Variants in LRP12 observed in about 807,000 individuals in gnomAD.
The protein encoded by LRP12 is LDL receptor related protein 12.
A neutral mutation model predicts 66.0 loss-of-function variants in LRP12; 14 were observed. The observed-to-expected ratio is 0.21, with a 90% confidence interval of 0.14 to 0.33. The LOEUF (loss-of-function observed/expected upper bound fraction) is 0.33, where lower values mean the gene tolerates loss of function less well. Among genes scored for constraint, LRP12 ranks in the 10% least tolerant of loss-of-function variants. The pLI is 1.00. For missense variants in LRP12, 889 were observed against 1,053.4 expected, an observed-to-expected ratio of 0.84 and a Z score of 2.16; for synonymous variants, 357 against 359.1, an observed-to-expected ratio of 0.99 and a Z score of 0.07.
chr8:104,560,762 C>T (rs952000898), intron 1 of LRP12, among the ~76,000 whole-genome samples: 1 of 152,056 alleles, frequency 6.6e-6, no homozygotes, highest in African/African-American at 2.4e-5. Context: ...TCAGATTTTC[C>T]TGGTTGTCTC....
intron 4 of LRP12, 28 bp from the exon 5 acceptor site, chr8:104,498,104 G>C (rs202173287): frequency 2.0e-6 from 3 of 1,520,114 alleles, no homozygotes; most frequent in Middle Eastern, 1.8e-4. Context: ...GAAATAGATG[G>C]AAAGAGAAGG....
chr8:104,588,718 C>G, intron 1 of LRP12, 101 bp downstream of exon 1: 1 of 943,066 alleles, frequency 1.1e-6, no homozygotes, highest in Non-Finnish European at 1.6e-6. Flanking sequence ...TAGCCAGGGT[C>G]TCCGCGGGAG....
chr8:104,490,442 G>A lies in LRP12; in HGVS notation c.*231C>T, dbSNP rs1810599743. The A allele has an allele frequency of 4.3e-6, 2 of 459,816 alleles. No individual in the cohort carries two copies. Among genetic ancestry groups the A allele is most frequent in the Non-Finnish European group, 7.7e-6 (2 of 261,368 alleles). 28.5% of individuals were successfully genotyped at this position (459,816 alleles called of 1,614,324 possible). Reference sequence around the variant, plus strand: ...GAAAACAATCAGAAACAAATGAAAGGACATTATTGAACAATATGAATATGT... The same window carrying A: ...GAAAACAATCAGAAACAAATGAAAGAACATTATTGAACAATATGAATATGT... On this transcript the variant is annotated 3_prime_UTR_variant, in exon 7 of 7. Coordinates refer to ENST00000276654, the MANE Select transcript of LRP12 (RefSeq NM_013437.5).
chr8:104,586,020 CACT>C (rs1812325421), intron 1 of LRP12, among the ~76,000 whole-genome samples: 2 of 152,180 alleles, frequency 1.3e-5, no homozygotes, highest in African/African-American at 4.8e-5. Context: ...TGGTTGTCAC[CACT>C]GATATTTTTA....
chr8:104,548,161 T>C (rs1452896719), intron 1 of LRP12, among the ~76,000 whole-genome samples: 7 of 53,146 alleles, frequency 1.3e-4, no homozygotes, highest in Non-Finnish European at 2.0e-4. Context: ...TATTAATAAT[T>C]ATTATATATA....
chr8:104,491,952 T>C lies in LRP12; in HGVS notation c.1714-413A>G, dbSNP rs567103769. 3.3e-5 allele frequency among the ~76,000 whole-genome samples: 5 copies of C among 152,132 alleles called. No individual in the cohort carries two copies. In the East Asian group the frequency reaches 9.6e-4, roughly 29 times the overall value. On this transcript the variant is annotated intron_variant, in intron 6 of 6. Coordinates refer to ENST00000276654, the MANE Select transcript of LRP12 (RefSeq NM_013437.5). ...AATTGACGAAGTGACCAAAATGAGT[T>C]TGTGAAAACGAGGACTTTTATCTTT...
At chr8:104,548,177 A>ATATATAG (rs1421416998) in intron 1 of LRP12, among the ~76,000 whole-genome samples, 1 of 100,376 alleles carries the variant, frequency 1.0e-5, no homozygotes, top group Non-Finnish European at 1.7e-5. Context: ...ATATAATATA[A>ATATATAG]TATATAATAT....
In LRP12 at chr8:104,558,486, C is replaced by T. The variant is rs575018606; in HGVS notation, c.80-26523G>A. On this transcript the variant is annotated intron_variant, in intron 1 of 6. Coordinates refer to ENST00000276654, the MANE Select transcript of LRP12 (RefSeq NM_013437.5). ...TGGATCAAGGACTTAAATCTAAGAC[C>T]TGAAACCATAAAAATTCTAGAAGAT... Among the ~76,000 whole-genome samples the T allele has an allele frequency of 2.0e-5, 3 of 152,210 alleles. No individual in the cohort carries two copies. The East Asian group carries it at 5.8e-4, about 29-fold the overall frequency.
rs1359739832 is a variant in LRP12, at chr8:104,507,680, A to C, written c.272+1259T>G. 2.6e-5 allele frequency: 4 copies of C among 152,330 alleles called. No homozygotes were observed. The East Asian group carries it at 7.7e-4, about 29-fold the overall frequency. The allele number at this position is 152,330 out of a possible 1,614,324, so 9.4% of individuals were successfully genotyped here. ...AACACTGACCCTGTTACAGAAAGAT[A>C]ACCTTAATGGTGCATTCTACCACTC... On this transcript the variant is annotated intron_variant, in intron 3 of 6. Transcript: ENST00000276654.
chr8:104,542,342 T>C (rs1175513954), intron 1 of LRP12, among the ~76,000 whole-genome samples: 1 of 152,200 alleles, frequency 6.6e-6, no homozygotes, highest in African/African-American at 2.4e-5. Flanking sequence ...TTGGCTGGAT[T>C]GTCTTTCTGT....
intron 2 of LRP12, among the ~76,000 whole-genome samples, chr8:104,513,593 C>T (rs943111062): frequency 1.3e-5 from 2 of 152,154 alleles, no homozygotes; most frequent in African/African-American, 2.4e-5. Context: ...GACACTCATT[C>T]CCAAGGTACT....
rs1322769824 is a variant in LRP12 at position 104,497,250 on chromosome 8, GT to G, written c.1301del (p.Asn434ThrfsTer54). 1 of 1,614,068 alleles carries G rather than the reference GT, an allele frequency of 6.2e-7. No individual in the cohort carries two copies. Among genetic ancestry groups the G allele is most frequent in the African/African-American group, 1.3e-5 (1 of 75,038 alleles). On this transcript the variant is annotated frameshift_variant, in exon 5 of 7. Transcript: ENST00000276654. LOFTEE classifies it high-confidence loss of function. The surrounding 1 kb of genome is among the most constrained non-coding windows in gnomAD (Gnocchi z 4.3). ...AGCCATTTGGGCAATGATTCTGGTA[GT>G]TGCAGCGATCAGAACGAGGATAACA... ...GVCYPRSDRC[N>X]YQNHCPNGSD...
chr8:104,527,274 C>T (rs1377368579), intron 2 of LRP12, among the ~76,000 whole-genome samples: 5 of 143,164 alleles, frequency 3.5e-5, no homozygotes, highest in Admixed American at 6.8e-5. Flanking sequence ...GTCAGTGTGG[C>T]GATTCCTCAG....
At chr8:104,526,451 C>A (rs1011300239) in intron 2 of LRP12, among the ~76,000 whole-genome samples, 99 of 151,158 alleles carry the variant, frequency 6.5e-4, no homozygotes, top group African/African-American at 2.3e-3. Flanking sequence ...GCTACAGTAA[C>A]CAAAATAGCA....
rs112840322 is a variant in LRP12 at position 104,584,532 on chromosome 8, C to T, written c.79+4287G>A. On this transcript the variant is annotated intron_variant, in intron 1 of 6. Transcript: ENST00000276654. ...GCTGCTCACTTTTCAGGCTAAAATC[C>T]CTTTTATGTTCTTCAAAAGAAATTT... Among the ~76,000 whole-genome samples, 380 of 152,136 alleles carry T rather than the reference C, an allele frequency of 2.5e-3. 1 individual carries two copies. The highest frequency in any genetic ancestry group is 8.7e-3 in the African/African-American group (360 of 41,520).
At chr8:104,585,670 A>G (rs1343968619) in intron 1 of LRP12, among the ~76,000 whole-genome samples, 1 of 152,184 alleles carries the variant, frequency 6.6e-6, no homozygotes, top group African/African-American at 2.4e-5. Flanking sequence ...ATAAATAGAA[A>G]ACATCTGAGT....
rs1269967399 is a variant in LRP12 at position 104,588,964 on chromosome 8, ACGCCGACGCCGCCGCCGCCGC to A, written c.-88_-68del. On this transcript the variant is annotated 5_prime_UTR_variant, in exon 1 of 7. Transcript: ENST00000276654. ...AGGGAGGAGAAGCTGGAGGTAGACGACGCCGACGCCGCCGCCGCCGCCGCCGCCGCCGCCGAGCCACCGGCT... is the reference window on the plus strand; with the variant it reads ...AGGGAGGAGAAGCTGGAGGTAGACGACGCCGCCGCCGCCGAGCCACCGGCT... 9.9e-5 allele frequency: 90 copies of A among 905,830 alleles called. 1 individual carries two copies. The highest frequency in any genetic ancestry group is 2.6e-4 in the Middle Eastern group (1 of 3,796). The allele number at this position is 905,830 out of a possible 1,614,324, so 56.1% of individuals were successfully genotyped here.
Position 104,548,595 on chromosome 8 carries a change from T to C in LRP12, c.80-16632A>G, listed in dbSNP as rs1386995008. On this transcript the variant is annotated intron_variant, in intron 1 of 6. Coordinates refer to ENST00000276654, the MANE Select transcript of LRP12 (RefSeq NM_013437.5). Reference sequence around the variant, plus strand: ...ATTCTATATTATATTTTGTATATAATATAGAATTATATAATTAAATTAATT... The same window carrying C: ...ATTCTATATTATATTTTGTATATAACATAGAATTATATAATTAAATTAATT... Among the ~76,000 whole-genome samples, 3 of 71,580 alleles carry C rather than the reference T, an allele frequency of 4.2e-5. No homozygotes were observed. The East Asian group carries it at 1.4e-3, about 34-fold the overall frequency. The allele number at this position is 71,580 out of a possible 152,430, so 47.0% of individuals were successfully genotyped here.
In LRP12 at chr8:104,497,556, C is replaced by G. The variant is rs774778316; in HGVS notation, c.996G>C (p.Leu332Phe). Residue 332 changes from leucine to phenylalanine, a missense_variant, in exon 5 of 7, where the codon TTG becomes TTC. Physicochemically the swap from Leu to Phe is conservative, Grantham distance 22. Transcript: ENST00000276654. The surrounding 1 kb of genome is among the most constrained non-coding windows in gnomAD (Gnocchi z 4.3). ...GAGGTGCATGAGAATCAAAAGCTGT[C>G]AACACACGCAAAAGCTTGTGTGGAT... is the stretch of plus-strand genomic sequence containing the variant. ...EENPHKLLRVLTAFDSHAPLT... is the reference protein window; with the variant it reads ...EENPHKLLRVFTAFDSHAPLT... 6.2e-7 allele frequency: 1 copy of G among 1,613,702 alleles called. No individual in the cohort carries two copies. Among genetic ancestry groups the G allele is most frequent in the Non-Finnish European group, 8.5e-7 (1 of 1,179,850 alleles).
Sources: gnomAD v4.1 joint callset for allele counts (sites outside exome capture counted in the v4.1 genomes callset) on GRCh38, gnomAD v4.1.1 for gene constraint, Gnocchi (gnomAD v3.1) non-coding constraint, MANE v1.5 for transcripts, NCBI Gene and HGNC (gene_info 2026-07-23, HGNC 2026-07-21) for gene names.